The following BCL11B variants were observed in gnomAD, a reference collection of about 807,000 sequenced individuals.
BCL11B encodes BCL11 transcription factor B.
Under a neutral mutation model 49.9 loss-of-function variants are expected in BCL11B, and 8 were observed. That is an observed-to-expected ratio of 0.16 (90% CI 0.09 to 0.29). The LOEUF (loss-of-function observed/expected upper bound fraction) is 0.29, where lower values mean the gene tolerates loss of function less well. Ranked by LOEUF, BCL11B falls within the 10% of genes least tolerant of loss-of-function variation. BCL11B has a pLI of 1.00. For missense variants in BCL11B, 1,006 were observed against 1,351.0 expected, an observed-to-expected ratio of 0.74 and a Z score of 4.00; for synonymous variants, 739 against 637.4, an observed-to-expected ratio of 1.16 and a Z score of -2.40.
chr14:99,177,846 C>T (rs1313570265), intron 3 of BCL11B, among the ~76,000 whole-genome samples: 1 of 152,054 alleles, frequency 6.6e-6, no homozygotes, highest in African/African-American at 2.4e-5. Flanking sequence ...GTTTTCCACC[C>T]ACTAATTATG....
chr14:99,248,057 ATTT>A lies in BCL11B; in HGVS notation c.427+9411_427+9413del, dbSNP rs578106181. On this transcript the variant is annotated intron_variant, in intron 2 of 3. Coordinates refer to ENST00000357195, the MANE Select transcript of BCL11B (RefSeq NM_138576.4). This position sits in a 1 kb window ranked among gnomAD's most constrained non-coding sequence, Gnocchi z 4.7. Reference sequence around the variant, plus strand: ...CCAACAAAAAGGCTATTTTGTTACTATTTTTCCGCCCAGAGGAGGCTGTGGTCC... The same window carrying A: ...CCAACAAAAAGGCTATTTTGTTACTATTCCGCCCAGAGGAGGCTGTGGTCC... Among the ~76,000 whole-genome samples, 80 of 152,032 alleles carry A rather than the reference ATTT, an allele frequency of 5.3e-4. No individual in the cohort carries two copies. Among genetic ancestry groups the A allele is most frequent in the Admixed American group, 1.2e-3 (19 of 15,270 alleles).
intron 3 of BCL11B, among the ~76,000 whole-genome samples, chr14:99,211,380 G>T (rs1887683284): frequency 6.6e-6 from 1 of 152,188 alleles, no homozygotes; most frequent in Admixed American, 6.5e-5. Flanking sequence ...CTTGGGTGTT[G>T]TCTGGGCCCC....
chr14:99,229,051 G>C (rs71418633), intron 3 of BCL11B, among the ~76,000 whole-genome samples: 2,026 of 87,764 alleles, frequency 0.023, 18 homozygotes, highest in East Asian at 0.048. Context: ...TGCATGGATG[G>C]ATGGATGGAT....
At position 99,231,616 on chromosome 14, in the gene BCL11B, C is replaced by T. The variant is rs575220720; in HGVS notation, c.428-59G>A. The T allele has an allele frequency of 6.2e-5, 53 of 850,318 alleles. No homozygotes were observed. The highest frequency in any genetic ancestry group is 2.3e-4 in the East Asian group (5 of 22,168). 52.7% of individuals were successfully genotyped at this position (850,318 alleles called of 1,614,324 possible). On this transcript the variant is annotated intron_variant, in intron 2 of 3. Transcript: ENST00000357195. The surrounding 1 kb of genome is among the most constrained non-coding windows in gnomAD (Gnocchi z 8.1). ...CGGGCCCTGGACTGTGTGAGGGGCA[C>T]GGGGTGGGACGGGGCTCGGGGCGTG...
At chr14:99,233,980 G>A (rs1400588424) in intron 2 of BCL11B, among the ~76,000 whole-genome samples, 6 of 152,134 alleles carry the variant, frequency 3.9e-5, no homozygotes, top group Admixed American at 2.0e-4. Flanking sequence ...GTTTCCACAC[G>A]GGGCAGCTCA....
chr14:99,217,605 A>C (rs746717454), intron 3 of BCL11B, among the ~76,000 whole-genome samples: 1 of 152,054 alleles, frequency 6.6e-6, no homozygotes, highest in Non-Finnish European at 1.5e-5. Context: ...TCCAGGGGGA[A>C]CCCCCACCCC....
chr14:99,264,675 T>G (rs1431672607), intron 1 of BCL11B: 1 of 152,120 alleles, frequency 6.6e-6, no homozygotes, highest in Non-Finnish European at 1.5e-5. Flanking sequence ...CTAGCATATG[T>G]CAAAATGCTG....
chr14:99,226,614 T>TA (rs1411552404), intron 3 of BCL11B, among the ~76,000 whole-genome samples: 1 of 152,246 alleles, frequency 6.6e-6, no homozygotes, highest in African/African-American at 2.4e-5. Context: ...ACCATATCAT[T>TA]AACACAAAAC....
rs562629960 is a variant in BCL11B at position 99,194,448 on chromosome 14, T to C, written c.641-18253A>G. Among the ~76,000 whole-genome samples the C allele has an allele frequency of 1.3e-5, 2 of 152,370 alleles. No individual in the cohort carries two copies. Among genetic ancestry groups the C allele is most frequent in the East Asian group, 3.9e-4 (2 of 5,182 alleles). Reference sequence around the variant, plus strand: ...CCAGAGCTCTGTCCTTCTCGGCTTCTGCCCTGTGGGGCACCCAGAACCCCA... The same window carrying C: ...CCAGAGCTCTGTCCTTCTCGGCTTCCGCCCTGTGGGGCACCCAGAACCCCA... On this transcript the variant is annotated intron_variant, in intron 3 of 3. Transcript: ENST00000357195. This position sits in a 1 kb window ranked among gnomAD's most constrained non-coding sequence, Gnocchi z 4.6.
chr14:99,175,938 G>A lies in BCL11B; in HGVS notation c.898C>T (p.Arg300Trp). Residue 300 changes from arginine (R) to tryptophan (W), a missense_variant, in exon 4 of 4, where the codon CGG (arginine) becomes TGG (tryptophan). Around this residue, in one of 6 missense-constraint regions of BCL11B, gnomAD observed 411 missense variants for 542.2 expected, o/e 0.76. Transcript: ENST00000357195. ...NLLRMTGPIL[R>W]DHPGFGEGRL... The stretch of plus-strand genomic sequence containing the variant: ...CCCTCGCCGAAGCCCGGGTGGTCCC[G>A]CAGGATGGGGCCCGTCATGCGCAGC... The A allele has an allele frequency of 6.9e-7, 1 of 1,448,358 alleles. No homozygotes were observed. The highest frequency in any genetic ancestry group is 9.1e-7 in the Non-Finnish European group (1 of 1,101,816). 89.7% of individuals were successfully genotyped at this position (1,448,358 alleles called of 1,614,324 possible).
chr14:99,221,688 C>G (rs1888013345), intron 3 of BCL11B, among the ~76,000 whole-genome samples: 1 of 152,264 alleles, frequency 6.6e-6, no homozygotes, highest in South Asian at 2.1e-4. Context: ...ACCAGACGCG[C>G]AAGGAAAGCA....
intron 3 of BCL11B, among the ~76,000 whole-genome samples, chr14:99,179,599 A>C (rs775220599): frequency 2.6e-5 from 4 of 151,448 alleles, no homozygotes; most frequent in Non-Finnish European, 4.4e-5. Flanking sequence ...GCTGGATTTC[A>C]GGGCCACCCG....
rs1413256500 is a variant in BCL11B, at chr14:99,213,192, T to A, written c.640+18153A>T. ...TTGCAAGAATCAGATGCTGAGACCA[T>A]GCCCAGGCTCTCGATGAGCCCCTGG... On this transcript the variant is annotated intron_variant, in intron 3 of 3. Transcript: ENST00000357195. This position sits in a 1 kb window ranked among gnomAD's most constrained non-coding sequence, Gnocchi z 5.1. Among the ~76,000 whole-genome samples, 1 of 152,132 alleles carries A rather than the reference T, an allele frequency of 6.6e-6. No homozygotes were observed. Among genetic ancestry groups the A allele is most frequent in the Non-Finnish European group, 1.5e-5 (1 of 68,030 alleles).
intron 3 of BCL11B, among the ~76,000 whole-genome samples, chr14:99,229,035 GATGGATGC>G (rs1345441443): frequency 9.2e-4 from 110 of 119,850 alleles, no homozygotes; most frequent in African/African-American, 3.4e-3. Flanking sequence ...TGGATGGATG[GATGGATGC>G]ATGGATGGAT....
At chr14:99,191,210 G>T (rs1228184729) in intron 3 of BCL11B, among the ~76,000 whole-genome samples, 2 of 18,712 alleles carry the variant, frequency 1.1e-4, no homozygotes, top group African/African-American at 3.2e-4. Context: ...GACTGAAGGG[G>T]CTTGGGCTTT....
At chr14:99,256,324 G>A (rs1232770078) in intron 2 of BCL11B, among the ~76,000 whole-genome samples, 2 of 152,208 alleles carry the variant, frequency 1.3e-5, no homozygotes, top group East Asian at 3.9e-4. Context: ...AGTGCCACGG[G>A]CAAAAGACTG....
intron 3 of BCL11B, among the ~76,000 whole-genome samples, chr14:99,230,769 GC>G (rs1439070012): frequency 6.6e-6 from 1 of 152,032 alleles, no homozygotes; most frequent in African/African-American, 2.4e-5. Context: ...CAGGTACTCA[GC>G]CCCCGCCCCC....
intron 3 of BCL11B, among the ~76,000 whole-genome samples, chr14:99,219,267 C>G (rs911619618): frequency 2.0e-5 from 3 of 152,056 alleles, no homozygotes; most frequent in African/African-American, 7.2e-5. Context: ...CTGCTGGGCT[C>G]AAGAGATCCA....
chr14:99,246,432 G>A (rs1888840200), intron 2 of BCL11B, among the ~76,000 whole-genome samples: 1 of 152,228 alleles, frequency 6.6e-6, no homozygotes, highest in Non-Finnish European at 1.5e-5. Context: ...GCGAATCAGA[G>A]GCCGGCGGCC....
Sources: allele counts gnomAD v4.1 joint callset (sites outside exome capture counted in the v4.1 genomes callset), GRCh38; gene constraint gnomAD v4.1.1; regional missense constraint gnomAD v4.1.1; non-coding constraint Gnocchi (gnomAD v3.1); transcripts MANE v1.5; gene names NCBI Gene and HGNC (gene_info 2026-07-23, HGNC 2026-07-21).